VPS53: variants seen among roughly 807,000 people sequenced by gnomAD.
VPS53 encodes the protein vacuolar protein sorting-associated protein 53 homolog.
A neutral mutation model predicts 107.0 loss-of-function variants in VPS53; 70 were observed. The observed-to-expected ratio is 0.65, with a 90% CI of 0.54 to 0.80. VPS53 has a LOEUF of 0.80. Among genes scored for constraint, VPS53 ranks in the 30% least tolerant of loss-of-function variants. VPS53 has a pLI of 0.00. For synonymous variants in VPS53, 409 were observed against 393.3 expected (o/e 1.04, Z -0.47); for missense variants, 917 against 1,049.4 (o/e 0.87, Z 1.74).
intron 12 of VPS53, chr17:599,865 G>A (rs546866761): frequency 6.6e-6 from 1 of 152,426 alleles, no homozygotes; most frequent in East Asian, 1.9e-4. Context: ...ACATCTGATG[G>A]GGCACCAAGG....
At chr17:605,826 G>A (rs1356354293) in intron 11 of VPS53, among the ~76,000 whole-genome samples, 3 of 152,026 alleles carry the variant, frequency 2.0e-5, no homozygotes, top group African/African-American at 7.3e-5. Flanking sequence ...GGTAAGAGGG[G>A]TGGCGGGAGC....
At chr17:639,062 C>T (rs1429918855) in intron 7 of VPS53, among the ~76,000 whole-genome samples, 5 of 152,178 alleles carry the variant, frequency 3.3e-5, no homozygotes, top group Non-Finnish European at 7.4e-5. Flanking sequence ...ACCAATAAGA[C>T]GTAGATTTGG....
Position 532,830 on chromosome 17 carries a change from C to T in VPS53, c.2085+12G>A, listed in dbSNP as rs765662547. 1.1e-5 allele frequency: 17 copies of T among 1,613,530 alleles called. No homozygotes were observed. The highest frequency in any genetic ancestry group is 1.3e-5 in the African/African-American group (1 of 74,946). On this transcript the variant is annotated intron_variant, in intron 19 of 21. Transcript: ENST00000437048. ...GCTGCCAGGCAAATGCCTGATACTA[C>T]GTCCATCTCACCTGTTCTGCTCCCA...
At chr17:675,875 C>T (rs961408758) in intron 4 of VPS53, among the ~76,000 whole-genome samples, 1 of 151,838 alleles carries the variant, frequency 6.6e-6, no homozygotes, top group Non-Finnish European at 1.5e-5. Flanking sequence ...TACATTTTTG[C>T]CTAACATCCA....
intron 17 of VPS53, chr17:540,381 T>C (rs2151818922): frequency 6.6e-6 from 1 of 152,188 alleles, no homozygotes; most frequent in African/African-American, 2.4e-5. Flanking sequence ...CTTTTTTACT[T>C]TTTGTAGAGA....
Position 553,240 on chromosome 17 carries a change from A to G in VPS53, c.1787+140T>C, listed in dbSNP as rs571441725. The G allele has an allele frequency of 6.3e-4, 385 of 608,512 alleles. 3 individuals are homozygous for G. The highest frequency in any genetic ancestry group is 1.8e-3 in the South Asian group (93 of 51,336). The allele number at this position is 608,512 out of a possible 1,614,324, so 37.7% of individuals were successfully genotyped here. ...GGCAGGCAGTGAGCAAGCGTGTACA[A>G]GGTATATACGTGCCACATGCTGCTG... On this transcript the variant is annotated intron_variant, in intron 16 of 21. Coordinates refer to ENST00000437048, the MANE Select transcript of VPS53 (RefSeq NM_001128159.3).
chr17:663,021 C>T (rs1971537241), intron 4 of VPS53, among the ~76,000 whole-genome samples: 1 of 151,436 alleles, frequency 6.6e-6, no homozygotes, highest in Admixed American at 6.6e-5. Context: ...GCCTGGGGAA[C>T]ATGGCAAGAC....
At chr17:704,025 T>G (rs947555487) in intron 2 of VPS53, among the ~76,000 whole-genome samples, 1 of 152,186 alleles carries the variant, frequency 6.6e-6, no homozygotes, top group Non-Finnish European at 1.5e-5. Context: ...AGAGCATTTT[T>G]GGGGTCACCA....
intron 7 of VPS53, among the ~76,000 whole-genome samples, chr17:635,696 C>G (rs1351529438): frequency 1.3e-5 from 2 of 152,138 alleles, no homozygotes; most frequent in Non-Finnish European, 2.9e-5. Flanking sequence ...TGTCAAAGAT[C>G]AGATGGTTGT....
At position 589,843 on chromosome 17, in the gene VPS53, T is replaced by C. The variant is rs547430491; in HGVS notation, c.1219-3479A>G. On this transcript the variant is annotated intron_variant, in intron 12 of 21. Coordinates refer to ENST00000437048, the MANE Select transcript of VPS53 (RefSeq NM_001128159.3). ...CCAGCTTTGTTCTTTTGGCTCAGGATTGACTTGGCGATGTGGGCTCTTTTT... is the reference window on the plus strand; with the variant it reads ...CCAGCTTTGTTCTTTTGGCTCAGGACTGACTTGGCGATGTGGGCTCTTTTT... Among the ~76,000 whole-genome samples, 9 of 152,298 alleles carry C rather than the reference T, an allele frequency of 5.9e-5. No homozygotes were observed. The East Asian group carries it at 1.3e-3, about 23-fold the overall frequency.
Position 519,250 on chromosome 17 carries a change from G to A in VPS53, c.2377C>T (p.Arg793Trp), listed in dbSNP as rs1210022180. 5 of 1,540,664 alleles carry A rather than the reference G, an allele frequency of 3.2e-6. No homozygotes were observed. Among genetic ancestry groups the A allele is most frequent in the South Asian group, 2.4e-5 (2 of 82,576 alleles). Reference sequence around the variant, plus strand: ...GCCCCCGAGGGCGGTGCGGGGAGCCGCTGGCGCAGGAGTTCCAGCATGCTG... The same window carrying A: ...GCCCCCGAGGGCGGTGCGGGGAGCCACTGGCGCAGGAGTTCCAGCATGCTG... ...QSSMLELLRQ[R>W]LPAPPSGAES... Residue 793 changes from arginine to tryptophan, a missense_variant, in exon 22 of 22, where the codon CGG (arginine) becomes TGG (tryptophan). Physicochemically the swap from Arg to Trp is moderately radical, Grantham distance 101. Transcript: ENST00000437048. The surrounding 1 kb of genome is among the most constrained non-coding windows in gnomAD (Gnocchi z 5.0).
At chr17:591,976 A>G (rs568736182) in intron 12 of VPS53, among the ~76,000 whole-genome samples, 18 of 152,150 alleles carry the variant, frequency 1.2e-4, no homozygotes, top group Non-Finnish European at 1.8e-4. Flanking sequence ...TGATCTGTCT[A>G]ATGTTGACAG....
In VPS53 at chr17:516,217, A is replaced by G. The variant is rs1171913062; in HGVS notation, c.*2911T>C. The G allele has an allele frequency of 6.6e-6, 1 of 152,110 alleles. No individual in the cohort carries two copies. Among genetic ancestry groups the G allele is most frequent in the African/African-American group, 2.4e-5 (1 of 41,426 alleles). 9.4% of individuals were successfully genotyped at this position (152,110 alleles called of 1,614,324 possible). On this transcript the variant is annotated 3_prime_UTR_variant, in exon 22 of 22. Coordinates refer to ENST00000437048, the MANE Select transcript of VPS53 (RefSeq NM_001128159.3). Reference sequence around the variant, plus strand: ...CTTAGAGTCAGAAAAATAGACATGTATGAAAATGCGTGGCAGGAGCCCTTC... The same window carrying G: ...CTTAGAGTCAGAAAAATAGACATGTGTGAAAATGCGTGGCAGGAGCCCTTC...
chr17:699,125 C>A (rs368758638), intron 3 of VPS53, among the ~76,000 whole-genome samples: 2 of 152,122 alleles, frequency 1.3e-5, no homozygotes, highest in Middle Eastern at 3.4e-3. Context: ...CAAGATCACA[C>A]CATTGCACTC....
intron 4 of VPS53, among the ~76,000 whole-genome samples, chr17:696,508 T>TAAGGGAGGACAGGACATGGC (rs1972967316): frequency 6.6e-6 from 1 of 152,152 alleles, no homozygotes; most frequent in Non-Finnish European, 1.5e-5. Flanking sequence ...TTAGTGCTGA[T>TAAGGGAGGACAGGACATGGC]AAGGGAGGAC....
intron 12 of VPS53, among the ~76,000 whole-genome samples, chr17:601,356 T>C (rs1016453129): frequency 6.6e-6 from 1 of 152,186 alleles, no homozygotes; most frequent in East Asian, 1.9e-4. Context: ...GCCTCCCCAA[T>C]GGCTTCCAGA....
In VPS53 at chr17:520,004, A is replaced by G; in HGVS notation, c.2224-74T>C. ...CGGGAGGAGACAGGAGCGGGCCCTC[A>G]AGAAAACTCACTACCCACCGCAGGA... On this transcript the variant is annotated intron_variant, in intron 20 of 21. Coordinates refer to ENST00000437048, the MANE Select transcript of VPS53 (RefSeq NM_001128159.3). The surrounding 1 kb of genome is among the most constrained non-coding windows in gnomAD (Gnocchi z 4.4). 9.3e-7 allele frequency: 1 copy of G among 1,070,342 alleles called. No individual in the cohort carries two copies. The highest frequency in any genetic ancestry group is 1.4e-6 in the Non-Finnish European group (1 of 714,878). The allele number at this position is 1,070,342 out of a possible 1,614,324, so 66.3% of individuals were successfully genotyped here. A position where few individuals can be genotyped will look rare whatever the true frequency, so the allele number is the denominator to read the frequency against.
intron 17 of VPS53, chr17:539,227 T>C (rs1175444723): frequency 2.0e-5 from 3 of 152,272 alleles, no homozygotes; most frequent in African/African-American, 4.8e-5. Flanking sequence ...CGACGTGCTC[T>C]GTCACCAGTT....
At chr17:572,384 G>A (rs562510179) in intron 13 of VPS53, among the ~76,000 whole-genome samples, 45 of 129,746 alleles carry the variant, frequency 3.5e-4, no homozygotes, top group African/African-American at 1.1e-3. Context: ...CGTCTCCGCC[G>A]GGCAGCCACC....
Sources: allele counts gnomAD v4.1 joint callset (sites outside exome capture counted in the v4.1 genomes callset), GRCh38; gene constraint gnomAD v4.1.1; non-coding constraint Gnocchi (gnomAD v3.1); transcripts MANE v1.5; gene names NCBI Gene and HGNC (gene_info 2026-07-23, HGNC 2026-07-21).